SIPA1L1: variants seen among roughly 807,000 people sequenced by gnomAD.
SIPA1L1 encodes the protein signal induced proliferation associated 1 like 1, also known as signal-induced proliferation-associated 1-like protein 1.
In SIPA1L1, 26 loss-of-function variants were observed where a neutral mutation model predicts 162.7. That is an observed-to-expected ratio of 0.16 (90% confidence interval 0.12 to 0.22). SIPA1L1 has a LOEUF of 0.22. SIPA1L1 is among the 10% of genes least tolerant of loss of function. The pLI, the probability that SIPA1L1 is intolerant of heterozygous loss-of-function variation, is 1.00. For synonymous variants in SIPA1L1, 829 were observed against 837.4 expected, an observed-to-expected ratio of 0.99 and a Z score of 0.17; for missense variants, 1,874 against 2,241.0, an observed-to-expected ratio of 0.84 and a Z score of 3.31.
In SIPA1L1 at chr14:71,543,928, T is replaced by C. The variant is rs187391992; in HGVS notation, c.-303+14558T>C. The stretch of plus-strand genomic sequence containing the variant: ...TGTGTATATATACATATATCATACG[T>C]ATATGTGTGTATATATACATATACG... On this transcript the variant is annotated intron_variant, in intron 4 of 23. Coordinates refer to ENST00000381232, the MANE Select transcript of SIPA1L1 (RefSeq NM_001386936.1). Among the ~76,000 whole-genome samples, 34 of 135,388 alleles carry C rather than the reference T, an allele frequency of 2.5e-4. 2 individuals are homozygous for C. The highest frequency in any genetic ancestry group is 4.1e-4 in the African/African-American group (15 of 36,682). The allele number at this position is 135,388 out of a possible 152,430, so 88.8% of individuals were successfully genotyped here.
chr14:71,556,666 G>A (rs1381854179), intron 4 of SIPA1L1, among the ~76,000 whole-genome samples: 5 of 152,020 alleles, frequency 3.3e-5, no homozygotes, highest in South Asian at 2.1e-4. Context: ...GAAGGAGCAC[G>A]GAGCTTCCGT....
chr14:71,350,903 T>C (rs990716079), intron 2 of SIPA1L1, among the ~76,000 whole-genome samples: 1 of 152,202 alleles, frequency 6.6e-6, no homozygotes, highest in Non-Finnish European at 1.5e-5. Flanking sequence ...ATTTGTAGCT[T>C]GTTGAATAGT....
intron 4 of SIPA1L1, among the ~76,000 whole-genome samples, chr14:71,539,785 G>A (rs971707234): frequency 6.6e-6 from 1 of 152,170 alleles, no homozygotes; most frequent in Non-Finnish European, 1.5e-5. Context: ...CTGGACTACA[G>A]GAAATATAAT....
chr14:71,737,158 C>T (rs567812062), intron 22 of SIPA1L1, among the ~76,000 whole-genome samples: 2 of 152,342 alleles, frequency 1.3e-5, no homozygotes, highest in South Asian at 2.1e-4. Flanking sequence ...ACAGCCTTGC[C>T]ACACTGTACA....
chr14:71,641,505 G>A (rs1189777261), intron 7 of SIPA1L1, among the ~76,000 whole-genome samples: 3 of 152,228 alleles, frequency 2.0e-5, no homozygotes, highest in Non-Finnish European at 2.9e-5. Context: ...GGCAGATCAC[G>A]AGGTCAGGAG....
chr14:71,538,172 T>C (rs1237702497), intron 4 of SIPA1L1, among the ~76,000 whole-genome samples: 1 of 152,252 alleles, frequency 6.6e-6, no homozygotes, highest in African/African-American at 2.4e-5. Flanking sequence ...CCTACTGTTA[T>C]ACACTAAGAT....
At chr14:71,650,052 A>T (rs1049007838) in intron 7 of SIPA1L1, among the ~76,000 whole-genome samples, 4 of 152,176 alleles carry the variant, frequency 2.6e-5, no homozygotes, top group African/African-American at 4.8e-5. Context: ...TTTGTAATTG[A>T]TTAACAGAAA....
chr14:71,348,794 G>A (rs1025522235), intron 2 of SIPA1L1, among the ~76,000 whole-genome samples: 1 of 152,142 alleles, frequency 6.6e-6, no homozygotes, highest in African/African-American at 2.4e-5. Context: ...GTATTTTTCA[G>A]ACAGAGAAGG....
chr14:71,616,248 C>T (rs1025699976), intron 5 of SIPA1L1, among the ~76,000 whole-genome samples: 1 of 152,118 alleles, frequency 6.6e-6, no homozygotes, highest in Non-Finnish European at 1.5e-5. Flanking sequence ...ATGAAGTGAT[C>T]ATCTATGCTA....
intron 6 of SIPA1L1, among the ~76,000 whole-genome samples, chr14:71,622,925 T>A (rs1163644055): frequency 6.6e-6 from 1 of 152,236 alleles, no homozygotes; most frequent in Non-Finnish European, 1.5e-5. Context: ...CTTGTGTCCA[T>A]CTACAATAAT....
intron 2 of SIPA1L1, among the ~76,000 whole-genome samples, chr14:71,434,563 A>G (rs555551255): frequency 3.3e-5 from 5 of 152,234 alleles, no homozygotes; most frequent in Non-Finnish European, 7.4e-5. Flanking sequence ...GCCACATTTC[A>G]TTTATACGTA....
In SIPA1L1 at chr14:71,649,321, A is replaced by G. The variant is rs141780443; in HGVS notation, c.1819-1014A>G. 1.9e-3 allele frequency among the ~76,000 whole-genome samples: 288 copies of G among 151,672 alleles called. 2 individuals are homozygous for G. Among genetic ancestry groups the G allele is most frequent in the African/African-American group, 6.9e-3 (283 of 41,282 alleles). ...ATCCTCGAACCTCAACCTCCCGAGT[A>G]GCTGGGACTACAAGTGTGCACCACC... On this transcript the variant is annotated intron_variant, in intron 7 of 23. Coordinates refer to ENST00000381232, the MANE Select transcript of SIPA1L1 (RefSeq NM_001386936.1).
intron 4 of SIPA1L1, among the ~76,000 whole-genome samples, chr14:71,543,221 A>C (rs1371316643): frequency 6.6e-6 from 1 of 152,116 alleles, no homozygotes; most frequent in Non-Finnish European, 1.5e-5. Flanking sequence ...TTTTATCTTT[A>C]TTCTTAATTC....
intron 3 of SIPA1L1, among the ~76,000 whole-genome samples, chr14:71,513,791 A>C (rs1410084939): frequency 2.0e-5 from 3 of 152,308 alleles, no homozygotes; most frequent in African/African-American, 7.2e-5. Context: ...GACTGGCCTG[A>C]CTGATTTCAA....
chr14:71,695,541 A>G (rs541531928), intron 13 of SIPA1L1, among the ~76,000 whole-genome samples: 121 of 152,380 alleles, frequency 7.9e-4, no homozygotes, highest in African/African-American at 2.8e-3. Context: ...TAAAGGTTAC[A>G]TCTTGACTTT....
chr14:71,627,227 C>T (rs111731099), intron 7 of SIPA1L1, among the ~76,000 whole-genome samples: 17,723 of 136,318 alleles, frequency 0.13, 1,142 homozygotes, highest in Middle Eastern at 0.17. Context: ...GGCGCGATCT[C>T]GGCTCACTGC....
chr14:71,492,160 A>G (rs1031410310), intron 2 of SIPA1L1, among the ~76,000 whole-genome samples: 1 of 152,152 alleles, frequency 6.6e-6, no homozygotes, highest in African/African-American at 2.4e-5. Flanking sequence ...GTGGTATAGT[A>G]ACTCAGTTTT....
chr14:71,399,253 A>C (rs1337995288), intron 2 of SIPA1L1, among the ~76,000 whole-genome samples: 1 of 152,146 alleles, frequency 6.6e-6, no homozygotes, highest in Non-Finnish European at 1.5e-5. Context: ...GGGAAGAGGG[A>C]GGCAGTTGAT....
At chr14:71,330,747 C>CT in intron 2 of SIPA1L1, 1 of 824,110 alleles carries the variant, frequency 1.2e-6, no homozygotes, top group East Asian at 2.4e-5. Flanking sequence ...CATAAGGAAT[C>CT]TGGCTGTCTA....
Sources: allele counts gnomAD v4.1 joint callset (sites outside exome capture counted in the v4.1 genomes callset), GRCh38; gene constraint gnomAD v4.1.1; transcripts MANE v1.5; gene names NCBI Gene and HGNC (gene_info 2026-07-23, HGNC 2026-07-21).